The following MYH7B variants were observed in gnomAD, a reference collection of about 807,000 sequenced individuals.
MYH7B encodes myosin heavy chain 7B, also known as myosin-7B.
Under a neutral mutation model 234.5 loss-of-function variants are expected in MYH7B, and 205 were observed. That is an observed-to-expected ratio of 0.87 (90% CI 0.78 to 0.98). MYH7B has a LOEUF of 0.98. Among genes scored for constraint, MYH7B ranks in the 50% least tolerant of loss-of-function variants. The pLI, the probability that MYH7B is intolerant of heterozygous loss-of-function variation, is 0.00. For synonymous variants in MYH7B, 1,193 were observed against 1,105.0 expected (o/e 1.08, Z -1.58); for missense variants, 2,652 against 2,633.4 (o/e 1.01, Z -0.15).
At position 34,991,101 on chromosome 20, in the gene MYH7B, C is replaced by G. The variant is rs572414063; in HGVS notation, c.2163C>G (p.Leu721=). ...GCCAAGGGTTCCCCAACAGGTTGCT[C>G]TACACCGACTTCCGGCAGCGGTGGG... The change falls in exon 24 of 45, where the codon CTC becomes CTG. Residue 721 remains leucine, a synonymous_variant. Transcript: ENST00000262873. 11 of 1,611,144 alleles carry G rather than the reference C, an allele frequency of 6.8e-6. No individual in the cohort carries two copies. The South Asian group carries it at 9.9e-5, about 15-fold the overall frequency.
chr20:34,976,721 T>C (rs926176999), intron 3 of MYH7B, among the ~76,000 whole-genome samples: 1 of 152,190 alleles, frequency 6.6e-6, no homozygotes, highest in African/African-American at 2.4e-5. Context: ...TCTTCATGTA[T>C]GATTTCCCCA....
At chr20:34,987,341 A>G (rs560989577) in intron 16 of MYH7B, 54 bp downstream of exon 16, 3 of 1,597,162 alleles carry the variant, frequency 1.9e-6, no homozygotes, top group East Asian at 4.5e-5. Context: ...CATCCTGTCC[A>G]TGATGGTTAA....
In MYH7B at chr20:34,993,098, C is replaced by T. The variant is rs2082186089; in HGVS notation, c.2184-4C>T. On this transcript the variant is annotated splice_polypyrimidine_tract_variant and splice_region_variant and intron_variant, in intron 24 of 44. Coordinates refer to ENST00000262873, the Ensembl canonical transcript of MYH7B. ...TCCTGACCAGCTCTGCCCTCCTTTC[C>T]CAGGTACCGTATCCTGAACCCCAGT... is the stretch of plus-strand genomic sequence containing the variant. 7 of 1,610,844 alleles carry T rather than the reference C, an allele frequency of 4.3e-6. No homozygotes were observed. The highest frequency in any genetic ancestry group is 5.9e-6 in the Non-Finnish European group (7 of 1,177,788).
chr20:34,970,425 C>A (rs2081782040), intron 2 of MYH7B, among the ~76,000 whole-genome samples: 2 of 152,218 alleles, frequency 1.3e-5, no homozygotes, highest in South Asian at 4.1e-4. Flanking sequence ...CGCCTCTGAG[C>A]TGGAAGGCCT....
At chr20:34,986,040 C>A in intron 13 of MYH7B, 60 bp from the exon 14 acceptor site, 1 of 1,440,158 alleles carries the variant, frequency 6.9e-7, no homozygotes, top group South Asian at 1.2e-5. Flanking sequence ...GCATCGCCCC[C>A]TTGGGATGTC....
At chr20:35,001,575 C>A in intron 43 of MYH7B, 49 bp downstream of exon 43, 2 of 1,520,868 alleles carry the variant, frequency 1.3e-6, no homozygotes, top group Non-Finnish European at 1.8e-6. Flanking sequence ...CCAGCTCTGC[C>A]CCAGGGTCTG....
intron 9 of MYH7B, 74 bp from the exon 10 acceptor site, chr20:34,982,385 G>A (rs2081953195): frequency 7.7e-7 from 1 of 1,301,222 alleles, no homozygotes. Flanking sequence ...GGCTCTGCTT[G>A]AGGGGTGAGG....
chr20:34,995,974 G>C (rs2082248372), intron 28 of MYH7B, among the ~76,000 whole-genome samples: 1 of 152,202 alleles, frequency 6.6e-6, no homozygotes, highest in Non-Finnish European at 1.5e-5. Context: ...TGCTGGAGGA[G>C]GGACTCCATT....
In MYH7B at chr20:34,970,576, G is replaced by C. The variant is rs1002795279; in HGVS notation, c.-221-4824G>C. 2.0e-5 allele frequency among the ~76,000 whole-genome samples: 3 copies of C among 152,188 alleles called. No individual in the cohort carries two copies. The East Asian group carries it at 5.8e-4, about 29-fold the overall frequency. ...GTGGGTGGGGGGTGACTTTAATCCAGGGCCCAACCATTGTTTGAAGTTGGA... is the reference window on the plus strand; with the variant it reads ...GTGGGTGGGGGGTGACTTTAATCCACGGCCCAACCATTGTTTGAAGTTGGA... On this transcript the variant is annotated intron_variant, in intron 2 of 44. Transcript: ENST00000262873.
rs774755629 is a variant in MYH7B, at chr20:34,986,212, C to T, written c.904+14C>T. On this transcript the variant is annotated intron_variant, in intron 14 of 44. Transcript: ENST00000262873. ...CAGAGCTGCAGGGTGAGGGGCAGTA[C>T]GATGAAGGGGGTGGGAGTCAGAACC... 14 of 1,573,328 alleles carry T rather than the reference C, an allele frequency of 8.9e-6. No individual in the cohort carries two copies. The highest frequency in any genetic ancestry group is 4.6e-5 in the East Asian group (2 of 43,034).
At chr20:34,966,575 G>A (rs370715338) in intron 2 of MYH7B, among the ~76,000 whole-genome samples, 2 of 152,104 alleles carry the variant, frequency 1.3e-5, no homozygotes, top group Non-Finnish European at 2.9e-5. Context: ...AATTGACACG[G>A]GTGATGAAGT....
At chr20:34,977,258 T>G (rs2081869299) in intron 3 of MYH7B, among the ~76,000 whole-genome samples, 1 of 152,184 alleles carries the variant, frequency 6.6e-6, no homozygotes, top group Non-Finnish European at 1.5e-5. Context: ...AGGGTTGGAC[T>G]AGCTGGTCCA....
exon 27 of MYH7B, chr20:34,994,149 T>C (rs754799670): frequency 1.4e-5 from 22 of 1,612,438 alleles, no homozygotes; most frequent in African/African-American, 2.7e-5. Context: ...TCCCTAGGGA[T>C]GCGCTGTTCA....
intron 24 of MYH7B, among the ~76,000 whole-genome samples, chr20:34,992,564 T>G (rs2082175330): frequency 6.8e-6 from 1 of 146,162 alleles, no homozygotes; most frequent in Non-Finnish European, 1.5e-5. Flanking sequence ...AGGTTGTGTT[T>G]TTTTTTTTTT....
rs2082134846 is a variant in MYH7B, at chr20:34,990,930, C to T, written c.2066-74C>T. The T allele has an allele frequency of 1.3e-5, 20 of 1,556,064 alleles. No individual in the cohort carries two copies. The South Asian group carries it at 1.9e-4, about 15-fold the overall frequency. ...CATCTTCCCCCTCACCTCGCAGGGT[C>T]TCCACTGCTGCTTTTTCTCTGGGGC... is the stretch of plus-strand genomic sequence containing the variant. On this transcript the variant is annotated intron_variant, in intron 23 of 44. Coordinates refer to ENST00000262873, the Ensembl canonical transcript of MYH7B.
intron 32 of MYH7B, 32 bp from the exon 33 acceptor site, chr20:34,998,263 C>G: frequency 6.2e-7 from 1 of 1,611,966 alleles, no homozygotes; most frequent in Non-Finnish European, 8.5e-7. Context: ...ACATCTAACT[C>G]CTGACCCCTG....
At chr20:35,001,591 A>G (rs1054237664) in intron 43 of MYH7B, 65 bp downstream of exon 43, 4 of 1,402,792 alleles carry the variant, frequency 2.9e-6, no homozygotes, top group Non-Finnish European at 3.9e-6. Flanking sequence ...GTCTGTGGCC[A>G]GGTGAGGCAT....
intron 8 of MYH7B, 98 bp downstream of exon 8, chr20:34,980,832 T>A: frequency 6.5e-7 from 1 of 1,527,908 alleles, no homozygotes; most frequent in Non-Finnish European, 8.9e-7. Flanking sequence ...ACTGCCCCCC[T>A]TTTGACGCTG....
exon 32 of MYH7B, chr20:34,997,298 C>G: frequency 6.4e-7 from 1 of 1,554,530 alleles, no homozygotes; most frequent in Non-Finnish European, 8.7e-7. Flanking sequence ...AGCGGGCAGC[C>G]CGGGCCCGCG....
Sources: gnomAD v4.1 joint callset for allele counts (sites outside exome capture counted in the v4.1 genomes callset) on GRCh38, gnomAD v4.1.1 for gene constraint, MANE v1.5 for transcripts, NCBI Gene and HGNC (gene_info 2026-07-23, HGNC 2026-07-21) for gene names.